Variants in ECPAS observed in about 807,000 individuals in gnomAD.
ECPAS encodes the protein Ecm29 proteasome adaptor and scaffold.
Under a neutral mutation model 255.1 loss-of-function variants are expected in ECPAS, and 70 were observed. The observed-to-expected ratio is 0.27, with a 90% confidence interval of 0.23 to 0.33. ECPAS has a LOEUF of 0.33. ECPAS is among the 10% of genes least tolerant of loss of function. The pLI, the probability that ECPAS is intolerant of heterozygous loss-of-function variation, is 1.00. For missense variants in ECPAS, 1,817 were observed against 2,206.4 expected, an observed-to-expected ratio of 0.82 and a Z score of 3.54; for synonymous variants, 784 against 775.0, an observed-to-expected ratio of 1.01 and a Z score of -0.19.
intron 11 of ECPAS, 39 bp downstream of exon 11, chr9:111,425,704 A>G: frequency 1.6e-6 from 2 of 1,212,490 alleles, no homozygotes; most frequent in Non-Finnish European, 2.4e-6. Context: ...TCATTCCAGC[A>G]GCTTGAAAAC....
chr9:111,394,197 G>C lies in ECPAS; in HGVS notation c.2885C>G (p.Ser962Cys), dbSNP rs1266694678. Residue 962 changes from serine (S) to cysteine (C), a missense_variant, in exon 26 of 50, where the codon TCC becomes TGC. By Grantham distance (112) the Ser-to-Cys change is moderately radical. Around this residue, in one of 4 missense-constraint regions of ECPAS, gnomAD observed 960 missense variants for 1,179.0 expected, o/e 0.81. Transcript: ENST00000684092. ...VRQAACIWLL[S>C]LVRKLSTHKE... ...GTGGGTACTTAGCTTCCTGACAAGG[G>C]AAAGGAGCCAGATGCAGGCTGCTTG... 3 of 1,609,088 alleles carry C rather than the reference G, an allele frequency of 1.9e-6. No individual in the cohort carries two copies. Among genetic ancestry groups the C allele is most frequent in the Non-Finnish European group, 2.5e-6 (3 of 1,177,570 alleles).
chr9:111,438,276 A>C (rs1417345798), intron 6 of ECPAS, among the ~76,000 whole-genome samples: 3 of 152,208 alleles, frequency 2.0e-5, no homozygotes, highest in Non-Finnish European at 4.4e-5. Flanking sequence ...AAGTTATAGC[A>C]AGACTGGTGG....
In ECPAS at chr9:111,418,013, GA is replaced by G. The variant is rs2098207032; in HGVS notation, c.1560-8del. 6.4e-7 allele frequency: 1 copy of G among 1,573,214 alleles called. No individual in the cohort carries two copies. The highest frequency in any genetic ancestry group is 1.2e-5 in the South Asian group (1 of 82,546). On this transcript the variant is annotated splice_polypyrimidine_tract_variant and splice_region_variant and intron_variant, in intron 16 of 49. Coordinates refer to ENST00000684092, the MANE Select transcript of ECPAS (RefSeq NM_001364929.1). ...TCCATGAACTTCTTCACGTCTTTCAGAAAAAGACAAATAAGAATAAAAAATA... is the reference window on the plus strand; with the variant it reads ...TCCATGAACTTCTTCACGTCTTTCAGAAAAGACAAATAAGAATAAAAAATA...
At chr9:111,466,480 T>C (rs112339986) in intron 2 of ECPAS, among the ~76,000 whole-genome samples, 7,957 of 151,968 alleles carry the variant, frequency 0.052, 693 homozygotes, top group African/African-American at 0.18. Flanking sequence ...AAAAGAACAT[T>C]TGATCTCAAA....
rs533389104 is a variant in ECPAS at position 111,475,810 on chromosome 9, C to T, written c.-82-2810G>A. Among the ~76,000 whole-genome samples, 8 of 151,860 alleles carry T rather than the reference C, an allele frequency of 5.3e-5. No homozygotes were observed. The South Asian group carries it at 1.5e-3, about 28-fold the overall frequency. On this transcript the variant is annotated intron_variant, in intron 1 of 49. Coordinates refer to ENST00000684092, the MANE Select transcript of ECPAS (RefSeq NM_001364929.1). ...GAAATTAATAAAAAATAGAAATATC[C>T]GTGGTCATTTTTCCATCTTAACTTT...
intron 10 of ECPAS, among the ~76,000 whole-genome samples, chr9:111,426,585 G>C (rs1204320006): frequency 6.6e-6 from 1 of 151,912 alleles, no homozygotes; most frequent in East Asian, 1.9e-4. Flanking sequence ...GCCAAGCATG[G>C]TGGCTCACAC....
At chr9:111,446,600 G>A (rs996347480) in intron 3 of ECPAS, among the ~76,000 whole-genome samples, 1 of 148,198 alleles carries the variant, frequency 6.7e-6, no homozygotes, top group African/African-American at 2.5e-5. Flanking sequence ...TTGAATGAAT[G>A]ATAAATAGTA....
Position 111,376,481 on chromosome 9 carries a change from T to C in ECPAS, c.4015A>G (p.Asn1339Asp). ...AKSSPMMETINMCLQYLDVSV... is the reference protein window; with the variant it reads ...AKSSPMMETIDMCLQYLDVSV... Reference sequence around the variant, plus strand: ...TTATTATTTAAGACACTCACCATGTTGATTGTTTCCATCATTGGAGAAGAT... The same window carrying C: ...TTATTATTTAAGACACTCACCATGTCGATTGTTTCCATCATTGGAGAAGAT... Residue 1339 changes from asparagine to aspartate, a missense_variant, in exon 37 of 50, where the codon AAC becomes GAC. Physicochemically the swap from Asn to Asp is conservative, Grantham distance 23. Coordinates refer to ENST00000684092, the MANE Select transcript of ECPAS (RefSeq NM_001364929.1). The C allele has an allele frequency of 1.3e-6, 2 of 1,593,548 alleles. No individual in the cohort carries two copies. The highest frequency in any genetic ancestry group is 1.7e-6 in the Non-Finnish European group (2 of 1,169,042).
intron 2 of ECPAS, among the ~76,000 whole-genome samples, chr9:111,454,390 A>G (rs2098264291): frequency 6.6e-6 from 1 of 152,130 alleles, no homozygotes; most frequent in Non-Finnish European, 1.5e-5. Flanking sequence ...GGATGCTTCT[A>G]TGTATGCCCA....
chr9:111,457,256 A>C (rs958009872), intron 2 of ECPAS, among the ~76,000 whole-genome samples: 3 of 152,138 alleles, frequency 2.0e-5, no homozygotes, highest in Non-Finnish European at 4.4e-5. Flanking sequence ...GTAAATGACA[A>C]CTCTTTAGAA....
chr9:111,474,411 T>G (rs990433111), intron 1 of ECPAS, among the ~76,000 whole-genome samples: 1 of 152,214 alleles, frequency 6.6e-6, no homozygotes, highest in Non-Finnish European at 1.5e-5. Context: ...TACATTATAT[T>G]AACTCCTTGC....
intron 2 of ECPAS, among the ~76,000 whole-genome samples, chr9:111,453,763 A>G (rs566190904): frequency 3.3e-5 from 5 of 152,136 alleles, no homozygotes; most frequent in Non-Finnish European, 7.3e-5. Flanking sequence ...TGAGTACAAC[A>G]ACAGAAAAAC....
In ECPAS at chr9:111,444,477, G is replaced by C. The variant is rs1370672564; in HGVS notation, c.171C>G (p.Val57=). The C allele has an allele frequency of 5.6e-6, 9 of 1,612,198 alleles. No individual in the cohort carries two copies. Among genetic ancestry groups the C allele is most frequent in the Admixed American group, 3.3e-5 (2 of 59,976 alleles). Residue 57 remains valine (V), a synonymous_variant, in exon 4 of 50, where the codon GTC becomes GTG. Transcript: ENST00000684092. ...GGCTTTTTATACGTTTATTCAGATGGACCAGCAGTTCCATTACCTAAAATA... is the reference window on the plus strand; with the variant it reads ...GGCTTTTTATACGTTTATTCAGATGCACCAGCAGTTCCATTACCTAAAATA... ...GVRKKVMELL[V]HLNKRIKSRP...
intron 13 of ECPAS, among the ~76,000 whole-genome samples, chr9:111,422,778 T>C (rs183785540): frequency 5.3e-5 from 8 of 152,036 alleles, no homozygotes; most frequent in East Asian, 1.9e-4. Context: ...GGAAATCACA[T>C]TGAGAAGAAA....
At chr9:111,379,139 C>T (rs928444242) in intron 35 of ECPAS, among the ~76,000 whole-genome samples, 2 of 152,176 alleles carry the variant, frequency 1.3e-5, no homozygotes, top group African/African-American at 2.4e-5. Context: ...CCGCTATTCC[C>T]CCCTGCCACT....
intron 9 of ECPAS, among the ~76,000 whole-genome samples, chr9:111,429,699 T>C (rs1045754638): frequency 6.6e-6 from 1 of 152,170 alleles, no homozygotes; most frequent in African/African-American, 2.4e-5. Context: ...AACAAGTATT[T>C]ATGGTTTAAA....
At chr9:111,471,795 T>A (rs563463129) in intron 2 of ECPAS, among the ~76,000 whole-genome samples, 6 of 152,326 alleles carry the variant, frequency 3.9e-5, no homozygotes, top group African/African-American at 1.4e-4. Context: ...GCCTCCTTCA[T>A]ACCTCTTCTC....
chr9:111,375,438 T>C (rs1194811140), intron 37 of ECPAS, among the ~76,000 whole-genome samples: 1 of 152,128 alleles, frequency 6.6e-6, no homozygotes, highest in Non-Finnish European at 1.5e-5. Flanking sequence ...AACATCAATT[T>C]GCTAAAAAAG....
At chr9:111,392,928 G>T in intron 27 of ECPAS, 46 bp from the exon 28 acceptor site, 1 of 1,372,302 alleles carries the variant, frequency 7.3e-7, no homozygotes, top group Non-Finnish European at 1.0e-6. Flanking sequence ...AAAAAATTTT[G>T]TCTACTTGCT....
Sources: gnomAD v4.1 joint callset for allele counts (sites outside exome capture counted in the v4.1 genomes callset) on GRCh38, gnomAD v4.1.1 for gene constraint, gnomAD v4.1.1 regional missense constraint, MANE v1.5 for transcripts, NCBI Gene and HGNC (gene_info 2026-07-23, HGNC 2026-07-21) for gene names.